C12orf56: variants seen among roughly 807,000 people sequenced by gnomAD.
C12orf56 encodes the protein uncharacterized protein C12orf56.
In C12orf56, 71 loss-of-function variants were observed where a neutral mutation model predicts 69.9. The ratio of observed to expected loss-of-function variants is 1.02; its 90% confidence interval spans 0.84 to 1.24. C12orf56 has a LOEUF of 1.24. Ranked by LOEUF, C12orf56 falls within the 50% of genes most tolerant of loss-of-function variation. The pLI, the probability that C12orf56 is intolerant of heterozygous loss-of-function variation, is 0.00. For missense variants in C12orf56, 732 were observed against 738.5 expected, an observed-to-expected ratio of 0.99 and a Z score of 0.10; for synonymous variants, 276 against 274.1, an observed-to-expected ratio of 1.01 and a Z score of -0.07.
chr12:64,358,929 TTTC>T (rs2039360206), intron 1 of C12orf56, among the ~76,000 whole-genome samples: 1 of 152,196 alleles, frequency 6.6e-6, no homozygotes, highest in African/African-American at 2.4e-5. Flanking sequence ...AGGAAGGTGG[TTTC>T]TTCTTCTTTT....
chr12:64,316,118 T>C (rs1241105179), intron 4 of C12orf56, among the ~76,000 whole-genome samples: 2 of 152,096 alleles, frequency 1.3e-5, no homozygotes, highest in African/African-American at 4.8e-5. Flanking sequence ...TTATATATTT[T>C]TTTTCAGACA....
intron 5 of C12orf56, among the ~76,000 whole-genome samples, chr12:64,312,041 G>T (rs1394864033): frequency 6.6e-6 from 1 of 152,194 alleles, no homozygotes; most frequent in Non-Finnish European, 1.5e-5. Context: ...TGGAAATGGT[G>T]AAGGGGAGAG....
At chr12:64,333,478 T>C (rs2038957100) in intron 2 of C12orf56, among the ~76,000 whole-genome samples, 1 of 151,890 alleles carries the variant, frequency 6.6e-6, no homozygotes. Flanking sequence ...TCTTTCTATG[T>C]TAGCTTTATT....
intron 4 of C12orf56, among the ~76,000 whole-genome samples, chr12:64,313,274 AAAAG>A (rs760452951): frequency 5.3e-4 from 43 of 81,406 alleles, no homozygotes; most frequent in African/African-American, 1.8e-3. Flanking sequence ...AAAAAAAAAA[AAAAG>A]AAAGAAAGAA....
rs1418814623 is a variant in C12orf56 at position 64,265,919 on chromosome 12, AATTTATCTTTCATAGAG to A, written c.*1247_*1263del. On this transcript the variant is annotated 3_prime_UTR_variant, in exon 13 of 13. Transcript: ENST00000543942. Reference sequence around the variant, plus strand: ...GGGAGAGCCATAACTGCTCGTAGACAATTTATCTTTCATAGAGACTCTATGGGACTACACAAATTAGC... The same window carrying A: ...GGGAGAGCCATAACTGCTCGTAGACAACTCTATGGGACTACACAAATTAGC... 2 of 152,242 alleles carry A rather than the reference AATTTATCTTTCATAGAG, an allele frequency of 1.3e-5. No individual in the cohort carries two copies. The highest frequency in any genetic ancestry group is 2.9e-5 in the Non-Finnish European group (2 of 68,036). The allele number at this position is 152,242 out of a possible 1,614,324, so 9.4% of individuals were successfully genotyped here.
intron 4 of C12orf56, among the ~76,000 whole-genome samples, chr12:64,317,489 G>T (rs1248967544): frequency 2.6e-5 from 4 of 152,142 alleles, no homozygotes; most frequent in Non-Finnish European, 5.9e-5. Flanking sequence ...GGCCAGGCGT[G>T]GTGGCTCACG....
chr12:64,347,397 T>C (rs2039159725), intron 2 of C12orf56, among the ~76,000 whole-genome samples: 1 of 150,894 alleles, frequency 6.6e-6, no homozygotes, highest in Admixed American at 6.6e-5. Context: ...GCAATTCTCC[T>C]ACCTCAGTCT....
At position 64,267,187 on chromosome 12, in the gene C12orf56, TCAAC is replaced by T; in HGVS notation, c.1861_1864del (p.Val621AsnfsTer10). On this transcript the variant is annotated frameshift_variant, in exon 13 of 13. Transcript: ENST00000543942. LOFTEE classifies it high-confidence loss of function. Reference sequence around the variant, plus strand: ...CATTGCGTACATTGTTTGTTTCTATTCAACCAATTTCAGAACTTCATGAAAAAGT... The same window carrying T: ...CATTGCGTACATTGTTTGTTTCTATTCAATTTCAGAACTTCATGAAAAAGT... 6.3e-7 allele frequency: 1 copy of T among 1,596,564 alleles called. No individual in the cohort carries two copies. Among genetic ancestry groups the T allele is most frequent in the South Asian group, 1.1e-5 (1 of 88,732 alleles).
At chr12:64,358,475 T>A (rs1270281159) in intron 1 of C12orf56, among the ~76,000 whole-genome samples, 4 of 73,596 alleles carry the variant, frequency 5.4e-5, no homozygotes, top group African/African-American at 1.8e-4. Flanking sequence ...ATAATAATAA[T>A]AATAATAATC....
chr12:64,338,520 T>C lies in C12orf56; in HGVS notation c.416-7488A>G. On this transcript the variant is annotated intron_variant, in intron 2 of 12. Transcript: ENST00000543942. ...GGCTCCAGCAACTGGTACAAACCTGTGGTAAGGTCATCCCTCACTCTGAGG... is the reference window on the plus strand; with the variant it reads ...GGCTCCAGCAACTGGTACAAACCTGCGGTAAGGTCATCCCTCACTCTGAGG... The C allele has an allele frequency of 2.5e-6, 3 of 1,181,090 alleles. No individual in the cohort carries two copies. The South Asian group carries it at 3.7e-5, about 14-fold the overall frequency. The allele number at this position is 1,181,090 out of a possible 1,614,324, so 73.2% of individuals were successfully genotyped here. A position where few individuals can be genotyped will look rare whatever the true frequency, so the allele number is the denominator to read the frequency against.
chr12:64,317,278 A>G (rs1393603766), intron 4 of C12orf56, among the ~76,000 whole-genome samples: 1 of 152,156 alleles, frequency 6.6e-6, no homozygotes, highest in African/African-American at 2.4e-5. Context: ...TATCTGAAAT[A>G]GCCCTTTATA....
intron 3 of C12orf56, among the ~76,000 whole-genome samples, chr12:64,324,419 A>G (rs1488301394): frequency 6.6e-6 from 1 of 152,240 alleles, no homozygotes; most frequent in Non-Finnish European, 1.5e-5. Context: ...GCATACTTCA[A>G]ACTAGGTGAT....
chr12:64,363,620 G>A (rs74614964), intron 1 of C12orf56, among the ~76,000 whole-genome samples: 1 of 152,104 alleles, frequency 6.6e-6, no homozygotes, highest in Non-Finnish European at 1.5e-5. Context: ...TCTCAATGCC[G>A]TGCCACCTAT....
At chr12:64,385,248 T>C (rs1271406388) in intron 1 of C12orf56, among the ~76,000 whole-genome samples, 3 of 152,212 alleles carry the variant, frequency 2.0e-5, no homozygotes, top group Non-Finnish European at 4.4e-5. Context: ...ACTGAGATCG[T>C]GAAGTGCACT....
At chr12:64,321,788 C>A (rs1460270354) in intron 3 of C12orf56, among the ~76,000 whole-genome samples, 2 of 152,054 alleles carry the variant, frequency 1.3e-5, no homozygotes, top group Non-Finnish European at 2.9e-5. Flanking sequence ...TATGTATTGG[C>A]ATTAAGTTCT....
chr12:64,371,639 C>T (rs1017630441), intron 1 of C12orf56, among the ~76,000 whole-genome samples: 3 of 151,226 alleles, frequency 2.0e-5, no homozygotes, highest in African/African-American at 2.4e-5. Flanking sequence ...GAGACCAGCC[C>T]GGCTAACATG....
At chr12:64,307,899 C>T (rs2038537574) in intron 5 of C12orf56, among the ~76,000 whole-genome samples, 1 of 151,832 alleles carries the variant, frequency 6.6e-6, no homozygotes, top group South Asian at 2.1e-4. Flanking sequence ...ACCTGTAGTC[C>T]CAGCTACTCA....
At position 64,318,829 on chromosome 12, in the gene C12orf56, C is replaced by G. The variant is rs2038727507; in HGVS notation, c.640G>C (p.Ala214Pro). Residue 214 changes from alanine to proline, a missense_variant, in exon 4 of 13, where the codon GCT (alanine) becomes CCT (proline). Ala to Pro is a conservative substitution (Grantham distance 27, BLOSUM62 -1). Coordinates refer to ENST00000543942, the MANE Select transcript of C12orf56 (RefSeq NM_001170633.2). ...GTTGTGCAAGATGGCTCGCTGACAG[C>G]CTTGCCAGTTGTTGGTGCAGACTGA... is the stretch of plus-strand genomic sequence containing the variant. ...SSQSAPTTGKAVSEPSCTTNT... is the reference protein window; with the variant it reads ...SSQSAPTTGKPVSEPSCTTNT... 6.5e-7 allele frequency: 1 copy of G among 1,537,062 alleles called. No homozygotes were observed. Among genetic ancestry groups the G allele is most frequent in the African/African-American group, 1.4e-5 (1 of 73,026 alleles).
At chr12:64,311,037 A>C (rs2038604901) in intron 5 of C12orf56, among the ~76,000 whole-genome samples, 3 of 152,262 alleles carry the variant, frequency 2.0e-5, no homozygotes, top group East Asian at 3.9e-4. Flanking sequence ...GTCCCTACAA[A>C]GGACATGAAC....
Sources: allele counts gnomAD v4.1 joint callset (sites outside exome capture counted in the v4.1 genomes callset), GRCh38; gene constraint gnomAD v4.1.1; transcripts MANE v1.5; gene names NCBI Gene and HGNC (gene_info 2026-07-23, HGNC 2026-07-21).